Variants in NBAS observed in about 807,000 individuals in gnomAD.
The protein encoded by NBAS is NAG/BC035112 fusion.
NBAS carries 219 observed loss-of-function variants against 302.5 expected under a neutral mutation model. That is an observed-to-expected ratio of 0.72 (90% confidence interval 0.65 to 0.81). The LOEUF is 0.81. Ranked by LOEUF, NBAS falls within the 30% of genes least tolerant of loss-of-function variation. The probability of loss-of-function intolerance (pLI) is 0.00; values close to 1 mark genes in which losing one functional copy is unlikely to be tolerated. For missense variants in NBAS, 2,932 were observed against 2,841.6 expected (o/e 1.03, Z -0.72); for synonymous variants, 1,118 against 1,021.6 (o/e 1.09, Z -1.80).
At chr2:15,361,140 C>A (rs1418103226) in intron 32 of NBAS, among the ~76,000 whole-genome samples, 1 of 152,152 alleles carries the variant, frequency 6.6e-6, no homozygotes, top group African/African-American at 2.4e-5. Flanking sequence ...TTTTATGGAA[C>A]CACCATTGCA....
the NBAS span, among the ~76,000 whole-genome samples, chr2:15,082,631 T>C: frequency 0.08 from 12,129 of 152,108 alleles, 1,153 homozygotes; most frequent in African/African-American, 0.21. Flanking sequence ...CCCTACAGAA[T>C]CATTCCCAGA....
intron 25 of NBAS, among the ~76,000 whole-genome samples, chr2:15,415,328 T>C (rs74259671): frequency 0.014 from 2,057 of 152,318 alleles, 33 homozygotes; most frequent in East Asian, 0.06. Context: ...ATATAGTAGA[T>C]GGCAAACAAA....
the NBAS span, among the ~76,000 whole-genome samples, chr2:14,909,366 TAAA>T: frequency 8.5e-4 from 67 of 78,570 alleles, 2 homozygotes; most frequent in African/African-American, 3.4e-3. Flanking sequence ...GGAGAGTTTC[TAAA>T]AAAAAAAAAA....
At chr2:14,982,983 G>A in the NBAS span, among the ~76,000 whole-genome samples, 1 of 152,118 alleles carries the variant, frequency 6.6e-6, no homozygotes, top group Admixed American at 6.6e-5. Context: ...GGTACGGGAG[G>A]AGTAGGTCAC....
chr2:14,877,892 T>C, the NBAS span, among the ~76,000 whole-genome samples: 1 of 152,202 alleles, frequency 6.6e-6, no homozygotes, highest in Non-Finnish European at 1.5e-5. Context: ...CAGTCACCTT[T>C]AACCTTTTAC....
At chr2:15,454,015 G>A (rs1679138543) in intron 21 of NBAS, among the ~76,000 whole-genome samples, 1 of 152,132 alleles carries the variant, frequency 6.6e-6, no homozygotes, top group African/African-American at 2.4e-5. Context: ...TTGACCTCAT[G>A]ATGCGCCCGC....
At chr2:14,863,416 G>A in the NBAS span, among the ~76,000 whole-genome samples, 2 of 152,182 alleles carry the variant, frequency 1.3e-5, no homozygotes, top group African/African-American at 2.4e-5. Flanking sequence ...CAGCAGGGGA[G>A]GGGGTCACAA....
chr2:14,867,231 G>A, the NBAS span, among the ~76,000 whole-genome samples: 1 of 152,136 alleles, frequency 6.6e-6, no homozygotes, highest in Non-Finnish European at 1.5e-5. Context: ...TCTGCATTGA[G>A]CCATAGCAGT....
At chr2:14,883,622 G>T in the NBAS span, among the ~76,000 whole-genome samples, 2 of 152,122 alleles carry the variant, frequency 1.3e-5, no homozygotes, top group African/African-American at 2.4e-5. Flanking sequence ...GTCACTACAG[G>T]TAGCACATCC....
chr2:15,405,926 T>A (rs1676385880), intron 25 of NBAS, among the ~76,000 whole-genome samples: 2 of 151,914 alleles, frequency 1.3e-5, no homozygotes, highest in Non-Finnish European at 2.9e-5. Context: ...ATACATAAAC[T>A]AATAGAACAA....
rs202031339 is a variant in NBAS at position 15,262,595 on chromosome 2, C to G, written c.5724+12889G>C. Among the ~76,000 whole-genome samples the G allele has an allele frequency of 3.3e-5, 5 of 152,276 alleles. No homozygotes were observed. The East Asian group carries it at 9.7e-4, about 29-fold the overall frequency. On this transcript the variant is annotated intron_variant, in intron 44 of 51. Transcript: ENST00000281513. ...ATAAACCTGTCTCTTTCTACATTAC[C>G]CCGCTACTATTAAAATAGCTTATGA...
intron 6 of NBAS, among the ~76,000 whole-genome samples, chr2:15,550,531 G>C (rs1246635829): frequency 6.6e-6 from 1 of 151,892 alleles, no homozygotes; most frequent in African/African-American, 2.4e-5. Context: ...ATAGGTAATA[G>C]ATGCATTTAC....
the NBAS span, among the ~76,000 whole-genome samples, chr2:15,018,507 G>A: frequency 6.6e-5 from 10 of 151,712 alleles, no homozygotes; most frequent in African/African-American, 2.2e-4. Flanking sequence ...TACTCAAATG[G>A]GTGAAGTTTG....
chr2:15,393,171 T>C (rs1675691986), intron 28 of NBAS, among the ~76,000 whole-genome samples: 1 of 152,004 alleles, frequency 6.6e-6, no homozygotes, highest in Non-Finnish European at 1.5e-5. Context: ...GAGAAAAACA[T>C]TGTGGCAAAG....
At chr2:15,221,488 A>T (rs1000626774) in intron 47 of NBAS, among the ~76,000 whole-genome samples, 1 of 151,976 alleles carries the variant, frequency 6.6e-6, no homozygotes, top group African/African-American at 2.4e-5. Context: ...ATACAGAGAT[A>T]AAAAAAAATT....
chr2:15,499,516 A>G (rs987173220), intron 11 of NBAS, among the ~76,000 whole-genome samples: 6 of 152,222 alleles, frequency 3.9e-5, no homozygotes, highest in African/African-American at 1.4e-4. Flanking sequence ...TAATGGAGGA[A>G]CAACCAAATA....
At chr2:14,853,848 C>G in the NBAS span, among the ~76,000 whole-genome samples, 1 of 128,012 alleles carries the variant, frequency 7.8e-6, no homozygotes. Flanking sequence ...CGCATATTCT[C>G]ACTCATAGGT....
At chr2:15,462,699 T>C (rs759137015) in intron 19 of NBAS, among the ~76,000 whole-genome samples, 10 of 152,080 alleles carry the variant, frequency 6.6e-5, no homozygotes, top group Non-Finnish European at 1.3e-4. Context: ...ATGGCATGTC[T>C]AAAAGGAGCT....
intron 35 of NBAS, among the ~76,000 whole-genome samples, chr2:15,334,819 T>G (rs1362697701): frequency 6.6e-6 from 1 of 152,224 alleles, no homozygotes; most frequent in Non-Finnish European, 1.5e-5. Context: ...GTTTAACATA[T>G]TTTAACACGC....
Sources: allele counts gnomAD v4.1 joint callset (sites outside exome capture counted in the v4.1 genomes callset), GRCh38; gene constraint gnomAD v4.1.1; transcripts MANE v1.5; gene names NCBI Gene and HGNC (gene_info 2026-07-23, HGNC 2026-07-21).